The following ME3 variants were observed in gnomAD, a reference collection of about 807,000 sequenced individuals.
ME3 encodes NADP-dependent malic enzyme, mitochondrial.
A neutral mutation model predicts 68.9 loss-of-function variants in ME3; 48 were observed. That is an observed-to-expected ratio of 0.70 (90% CI 0.55 to 0.89). The LOEUF (loss-of-function observed/expected upper bound fraction) is 0.89. Among genes scored for constraint, ME3 ranks in the 40% least tolerant of loss-of-function variants. ME3 has a pLI of 0.00. For synonymous variants in ME3, 320 were observed against 318.8 expected (o/e 1.00, Z -0.04); for missense variants, 675 against 797.4 (o/e 0.85, Z 1.85).
intron 5 of ME3, among the ~76,000 whole-genome samples, chr11:86,499,699 A>G (rs1286947991): frequency 6.6e-6 from 1 of 152,202 alleles, no homozygotes; most frequent in African/African-American, 2.4e-5. Context: ...CAAGAGATCC[A>G]TGAAAATCAT....
At chr11:86,521,175 C>T (rs995800985) in intron 4 of ME3, among the ~76,000 whole-genome samples, 2 of 152,168 alleles carry the variant, frequency 1.3e-5, no homozygotes, top group Non-Finnish European at 2.9e-5. Flanking sequence ...GGATCACGCA[C>T]GAGGTCAGGA....
intron 5 of ME3, among the ~76,000 whole-genome samples, chr11:86,508,461 A>T (rs1001310995): frequency 6.6e-6 from 1 of 152,148 alleles, no homozygotes; most frequent in Non-Finnish European, 1.5e-5. Flanking sequence ...CATGTCAGCT[A>T]CTCGAGAAGA....
chr11:86,536,962 A>T (rs1309375394), intron 4 of ME3, among the ~76,000 whole-genome samples: 1 of 151,994 alleles, frequency 6.6e-6, no homozygotes, highest in African/African-American at 2.4e-5. Context: ...AGCCATAAAA[A>T]ATGATGAGTT....
chr11:86,576,769 T>C (rs920577347), intron 2 of ME3, among the ~76,000 whole-genome samples: 8 of 152,202 alleles, frequency 5.3e-5, no homozygotes, highest in African/African-American at 1.9e-4. Context: ...CATGTGCTTC[T>C]TCCTGGTAGA....
At chr11:86,519,569 C>A (rs77132037) in intron 4 of ME3, among the ~76,000 whole-genome samples, 13,334 of 152,218 alleles carry the variant, frequency 0.088, 827 homozygotes, top group African/African-American at 0.18. Flanking sequence ...TAGGCAAACC[C>A]CTGCAGCTGG....
intron 2 of ME3, among the ~76,000 whole-genome samples, chr11:86,564,145 T>C (rs1957366254): frequency 6.6e-6 from 1 of 152,200 alleles, no homozygotes; most frequent in Non-Finnish European, 1.5e-5. Context: ...GTAGTTCTCC[T>C]TGTAGAGATC....
At chr11:86,658,441 T>A (rs1211145472) in intron 2 of ME3, among the ~76,000 whole-genome samples, 2 of 151,878 alleles carry the variant, frequency 1.3e-5, no homozygotes, top group Non-Finnish European at 1.5e-5. Flanking sequence ...TTCCTCTGCT[T>A]GCAAATAATA....
chr11:86,528,938 T>C (rs1019141503), intron 4 of ME3, among the ~76,000 whole-genome samples: 1 of 151,886 alleles, frequency 6.6e-6, no homozygotes, highest in Non-Finnish European at 1.5e-5. Context: ...AACATCACAA[T>C]TAAAAGAACT....
At chr11:86,551,076 G>A (rs939147170) in intron 4 of ME3, among the ~76,000 whole-genome samples, 4 of 152,018 alleles carry the variant, frequency 2.6e-5, no homozygotes, top group Non-Finnish European at 5.9e-5. Flanking sequence ...CATATTGAGC[G>A]GGAAGTAGGA....
intron 2 of ME3, among the ~76,000 whole-genome samples, chr11:86,587,278 G>C (rs1958795222): frequency 6.6e-6 from 1 of 152,202 alleles, no homozygotes; most frequent in East Asian, 1.9e-4. Flanking sequence ...CAGAGGACCA[G>C]TGGTAAAGGA....
At chr11:86,650,955 C>A (rs142033353) in intron 2 of ME3, among the ~76,000 whole-genome samples, 1 of 152,238 alleles carries the variant, frequency 6.6e-6, no homozygotes, top group Non-Finnish European at 1.5e-5. Context: ...GTATCCCTCA[C>A]CTGGTTCGGA....
intron 2 of ME3, among the ~76,000 whole-genome samples, chr11:86,609,121 T>G (rs996104517): frequency 7.9e-5 from 12 of 152,220 alleles, no homozygotes; most frequent in African/African-American, 2.9e-4. Context: ...TACAAGGTCA[T>G]GCAGCTGACA....
chr11:86,566,988 C>T (rs1441145186), intron 2 of ME3, among the ~76,000 whole-genome samples: 3 of 151,934 alleles, frequency 2.0e-5, no homozygotes, highest in Non-Finnish European at 4.4e-5. Flanking sequence ...GAGGCTGAGG[C>T]GGGTGGATCA....
chr11:86,442,878 C>G lies in ME3; in HGVS notation c.1596G>C (p.Gly532=), dbSNP rs778282893. ...TGGTGCTGAGTGGTGGGTAGAGTCT[C>G]CCCTGGGACAGATGCTGCTCAGAGA... Residue 532 remains glycine, a synonymous_variant, in exon 14 of 15, where the codon GGG becomes GGC. Coordinates refer to ENST00000543262, the Ensembl canonical transcript of ME3. 3 of 1,613,406 alleles carry G rather than the reference C, an allele frequency of 1.9e-6. No individual in the cohort carries two copies. The Admixed American group carries it at 5.0e-5, about 27-fold the overall frequency.
Position 86,498,033 on chromosome 11 carries a change from TACAG to T in ME3, c.631_634del (p.Leu211ThrfsTer7). 5 of 1,613,708 alleles carry T rather than the reference TACAG, an allele frequency of 3.1e-6. No individual in the cohort carries two copies. The highest frequency in any genetic ancestry group is 2.5e-6 in the Non-Finnish European group (3 of 1,179,820). ...CGGGTTCACCCCTCCGCATGCCGTGTACAGGGCCAGCTTGCCCACAGGGATGCCC... is the reference window on the plus strand; with the variant it reads ...CGGGTTCACCCCTCCGCATGCCGTGTGGCCAGCTTGCCCACAGGGATGCCC... On this transcript the variant is annotated frameshift_variant, in exon 6 of 15. Transcript: ENST00000543262. LOFTEE classifies it high-confidence loss of function.
chr11:86,509,721 C>G (rs994934387), intron 4 of ME3, among the ~76,000 whole-genome samples: 42 of 147,750 alleles, frequency 2.8e-4, no homozygotes, highest in African/African-American at 1.0e-3. Context: ...AAATTATTGG[C>G]TGACCACTAA....
At chr11:86,625,142 A>G (rs1477902932) in intron 2 of ME3, among the ~76,000 whole-genome samples, 1 of 152,170 alleles carries the variant, frequency 6.6e-6, no homozygotes. Context: ...TAAACAGTAT[A>G]TAGAATACAA....
intron 14 of ME3, among the ~76,000 whole-genome samples, chr11:86,441,876 C>G (rs1949013587): frequency 6.6e-6 from 1 of 152,056 alleles, no homozygotes; most frequent in South Asian, 2.1e-4. Flanking sequence ...AGCCTGGACA[C>G]TGTTCTCTGG....
Position 86,503,719 on chromosome 11 carries a change from C to A in ME3, c.543+5073G>T, listed in dbSNP as rs559016328. ...TAGGTAGGCACTTGGCACTAGCAATCCGCTCTAAGTATAAACACCTAAGTG... is the reference window on the plus strand; with the variant it reads ...TAGGTAGGCACTTGGCACTAGCAATACGCTCTAAGTATAAACACCTAAGTG... On this transcript the variant is annotated intron_variant, in intron 5 of 14. Coordinates refer to ENST00000543262, the Ensembl canonical transcript of ME3. Among the ~76,000 whole-genome samples, 3 of 152,364 alleles carry A rather than the reference C, an allele frequency of 2.0e-5. No homozygotes were observed. The South Asian group carries it at 6.2e-4, about 32-fold the overall frequency.
Sources: gnomAD v4.1 joint callset for allele counts (sites outside exome capture counted in the v4.1 genomes callset) on GRCh38, gnomAD v4.1.1 for gene constraint, MANE v1.5 for transcripts, NCBI Gene and HGNC (gene_info 2026-07-23, HGNC 2026-07-21) for gene names.